Variants in SPTBN4 observed in about 807,000 individuals in gnomAD.
SPTBN4 encodes the protein spectrin beta chain, non-erythrocytic 4.
A neutral mutation model predicts 277.8 loss-of-function variants in SPTBN4; 96 were observed. The ratio of observed to expected loss-of-function variants is 0.35; its 90% CI spans 0.29 to 0.41. The LOEUF (loss-of-function observed/expected upper bound fraction) is 0.41. SPTBN4 is among the 10% of genes least tolerant of loss of function. The probability of loss-of-function intolerance (pLI) is 1.00; values close to 1 mark genes in which losing one functional copy is unlikely to be tolerated. For missense variants in SPTBN4, 3,006 were observed against 3,595.7 expected (o/e 0.84, Z 4.19); for synonymous variants, 1,481 against 1,580.3 (o/e 0.94, Z 1.49).
chr19:40,572,827 G>A (rs983532936), intron 35 of SPTBN4, among the ~76,000 whole-genome samples: 4 of 152,260 alleles, frequency 2.6e-5, no homozygotes, highest in South Asian at 2.1e-4. Context: ...GGGCATGGTG[G>A]CAGGTGCCTT....
chr19:40,560,939 CAGA>C lies in SPTBN4; in HGVS notation c.5915+539_5915+541del, dbSNP rs1270274092. Among the ~76,000 whole-genome samples, 1 of 152,130 alleles carries C rather than the reference CAGA, an allele frequency of 6.6e-6. No individual in the cohort carries two copies. Among genetic ancestry groups the C allele is most frequent in the Admixed American group, 6.6e-5 (1 of 15,266 alleles). ...GGGAAAAGATAGCAGGAGGATCACA[CAGA>C]AGGTTTTAGGGATAAAGCCGGCACC... On this transcript the variant is annotated intron_variant, in intron 27 of 35. Coordinates refer to ENST00000598249, the MANE Select transcript of SPTBN4 (RefSeq NM_020971.3). This position sits in a 1 kb window ranked among gnomAD's most constrained non-coding sequence, Gnocchi z 5.2.
At chr19:40,487,893 T>C (rs776094809) in intron 3 of SPTBN4, 45 bp downstream of exon 3, 8 of 1,527,724 alleles carry the variant, frequency 5.2e-6, no homozygotes, top group South Asian at 1.2e-5. Flanking sequence ...CCCTGGGGTC[T>C]CAGGCTGGGG....
intron 11 of SPTBN4, among the ~76,000 whole-genome samples, chr19:40,503,338 G>T (rs149340232): frequency 1.3e-5 from 2 of 152,064 alleles, no homozygotes; most frequent in Non-Finnish European, 2.9e-5. Flanking sequence ...CTCCTTCCTG[G>T]GTAACAAGTT....
chr19:40,500,646 CCTGT>C, intron 7 of SPTBN4, among the ~76,000 whole-genome samples: 1 of 152,056 alleles, frequency 6.6e-6, no homozygotes, highest in Middle Eastern at 3.4e-3. Context: ...ACAGAGAGAC[CCTGT>C]CTATGTTTTA....
At chr19:40,568,715 A>T (rs1214139212) in intron 31 of SPTBN4, among the ~76,000 whole-genome samples, 1 of 152,136 alleles carries the variant, frequency 6.6e-6, no homozygotes, top group Non-Finnish European at 1.5e-5. Flanking sequence ...TGTCTTCTCC[A>T]TTGTATGACT....
At chr19:40,559,825 TA>T (rs147846714) in intron 26 of SPTBN4, among the ~76,000 whole-genome samples, 2 of 152,226 alleles carry the variant, frequency 1.3e-5, no homozygotes, top group East Asian at 3.9e-4. Context: ...TTAGCACATC[TA>T]AAAGACATCA....
chr19:40,479,675 C>CATATATATATATATATATATATATAT (rs34118043), intron 2 of SPTBN4, among the ~76,000 whole-genome samples: 1 of 126,698 alleles, frequency 7.9e-6, no homozygotes, highest in African/African-American at 3.2e-5. Flanking sequence ...AATGAGTAAG[C>CATATATATATATATATATATATATAT]ATATATATAT....
chr19:40,533,664 A>G (rs1325848646), intron 19 of SPTBN4, among the ~76,000 whole-genome samples: 6 of 151,684 alleles, frequency 4.0e-5, no homozygotes, highest in African/African-American at 1.2e-4. Context: ...GGCTCCCTCT[A>G]TCTTTCTTTC....
intron 2 of SPTBN4, among the ~76,000 whole-genome samples, chr19:40,483,386 A>G (rs1035383349): frequency 2.0e-5 from 3 of 152,192 alleles, no homozygotes; most frequent in African/African-American, 4.8e-5. Context: ...AAAAGTATCT[A>G]TCCCTTAAAT....
At chr19:40,571,776 T>C (rs1406253335) in intron 33 of SPTBN4, 2 of 402,470 alleles carry the variant, frequency 5.0e-6, no homozygotes, top group Non-Finnish European at 8.9e-6. Context: ...AAATTCAGTA[T>C]GGGAGGGGAT....
At chr19:40,535,690 C>T (rs576072065) in intron 20 of SPTBN4, among the ~76,000 whole-genome samples, 39 of 152,180 alleles carry the variant, frequency 2.6e-4, no homozygotes, top group African/African-American at 5.5e-4. Context: ...CCCAGCACTT[C>T]GGGAGGCCGA....
At position 40,560,136 on chromosome 19, in the gene SPTBN4, G is replaced by A. The variant is rs750373493; in HGVS notation, c.5671-23G>A. On this transcript the variant is annotated intron_variant, in intron 26 of 35. Transcript: ENST00000598249. This position sits in a 1 kb window ranked among gnomAD's most constrained non-coding sequence, Gnocchi z 5.2. ...AGCCTGGGCCCCGTGGAGGGCTGGCGCCCGACCTGGCATGCCCTTCAGGTA... is the reference window on the plus strand; with the variant it reads ...AGCCTGGGCCCCGTGGAGGGCTGGCACCCGACCTGGCATGCCCTTCAGGTA... 16 of 1,570,020 alleles carry A rather than the reference G, an allele frequency of 1.0e-5. No individual in the cohort carries two copies. Among genetic ancestry groups the A allele is most frequent in the Admixed American group, 5.2e-5 (3 of 57,534 alleles).
At chr19:40,493,262 A>T (rs1179500985) in intron 5 of SPTBN4, among the ~76,000 whole-genome samples, 1 of 152,074 alleles carries the variant, frequency 6.6e-6, no homozygotes, top group African/African-American at 2.4e-5. Flanking sequence ...CCAGGTTCAA[A>T]TTTATTTTGA....
At chr19:40,544,770 A>C (rs2080841303) in intron 20 of SPTBN4, among the ~76,000 whole-genome samples, 1 of 151,618 alleles carries the variant, frequency 6.6e-6, no homozygotes, top group South Asian at 2.1e-4. Flanking sequence ...CTTAACAGTA[A>C]CACTTGGCTA....
chr19:40,526,844 T>A (rs934333729), intron 17 of SPTBN4, among the ~76,000 whole-genome samples: 1 of 152,102 alleles, frequency 6.6e-6, no homozygotes, highest in South Asian at 2.1e-4. Context: ...TACTTTGGCC[T>A]CCCCAAAGTG....
intron 20 of SPTBN4, among the ~76,000 whole-genome samples, chr19:40,547,871 T>C (rs890937478): frequency 2.6e-5 from 4 of 152,260 alleles, no homozygotes; most frequent in Admixed American, 2.6e-4. Context: ...ATGTTTTTTA[T>C]GCTTGGAAAG....
At chr19:40,473,642 C>T (rs1034699334) in intron 2 of SPTBN4, among the ~76,000 whole-genome samples, 6 of 152,028 alleles carry the variant, frequency 3.9e-5, no homozygotes, top group Non-Finnish European at 8.8e-5. Flanking sequence ...CAGGCATGAG[C>T]CACGGCACCC....
intron 27 of SPTBN4, among the ~76,000 whole-genome samples, chr19:40,564,175 T>A (rs1357136048): frequency 1.3e-5 from 2 of 150,422 alleles, no homozygotes; most frequent in East Asian, 4.0e-4. Context: ...ACAAACATGT[T>A]GAAACCCTGT....
chr19:40,536,740 G>A (rs1468202285), intron 20 of SPTBN4, among the ~76,000 whole-genome samples: 2 of 152,142 alleles, frequency 1.3e-5, no homozygotes, highest in Non-Finnish European at 2.9e-5. Flanking sequence ...TTGAGCCTAG[G>A]AGTTTGAGAC....
Sources: gnomAD v4.1 joint callset for allele counts (sites outside exome capture counted in the v4.1 genomes callset) on GRCh38, gnomAD v4.1.1 for gene constraint, Gnocchi (gnomAD v3.1) non-coding constraint, MANE v1.5 for transcripts, NCBI Gene and HGNC (gene_info 2026-07-23, HGNC 2026-07-21) for gene names.